Variants in ERBB4 observed in about 807,000 individuals in gnomAD.
The protein encoded by ERBB4 is erb-b2 receptor tyrosine kinase 4, also known as receptor tyrosine-protein kinase erbB-4.
In ERBB4, 42 loss-of-function variants were observed where a neutral mutation model predicts 158.0. That is an observed-to-expected ratio of 0.27 (90% CI 0.21 to 0.34). ERBB4 has a LOEUF of 0.34. ERBB4 is among the 10% of genes least tolerant of loss of function. The probability of loss-of-function intolerance (pLI) is 1.00; values close to 1 mark genes in which losing one functional copy is unlikely to be tolerated. For synonymous variants in ERBB4, 583 were observed against 558.7 expected, an observed-to-expected ratio of 1.04 and a Z score of -0.61; for missense variants, 1,333 against 1,624.1, an observed-to-expected ratio of 0.82 and a Z score of 3.08.
At position 211,822,036 on chromosome 2, in the gene ERBB4, A is replaced by G. The variant is rs1048125606; in HGVS notation, c.422-33877T>C. 5.3e-5 allele frequency among the ~76,000 whole-genome samples: 8 copies of G among 151,976 alleles called. No homozygotes were observed. The South Asian group carries it at 1.2e-3, about 24-fold the overall frequency. ...AATTGGAGAACATCAGGTTAAATGA[A>G]ATAAGCCAGAAACAGAAAGTTAAAC... is the stretch of plus-strand genomic sequence containing the variant. On this transcript the variant is annotated intron_variant, in intron 3 of 27. Coordinates refer to ENST00000342788, the MANE Select transcript of ERBB4 (RefSeq NM_005235.3).
At chr2:211,736,447 T>C (rs1026787196) in intron 5 of ERBB4, among the ~76,000 whole-genome samples, 3 of 152,184 alleles carry the variant, frequency 2.0e-5, no homozygotes, top group Admixed American at 1.3e-4. Context: ...TGAAGTGATT[T>C]TATAATCTAC....
intron 20 of ERBB4, among the ~76,000 whole-genome samples, chr2:211,444,962 T>G (rs1172061890): frequency 1.3e-5 from 2 of 152,018 alleles, no homozygotes; most frequent in Non-Finnish European, 2.9e-5. Flanking sequence ...ATATTTAAAT[T>G]TTTGGATAAA....
chr2:211,494,066 G>A (rs1049044145), intron 20 of ERBB4, among the ~76,000 whole-genome samples: 3 of 152,220 alleles, frequency 2.0e-5, no homozygotes, highest in East Asian at 1.9e-4. Context: ...GCAGCGGTGC[G>A]ATCTCGGCTC....
intron 1 of ERBB4, among the ~76,000 whole-genome samples, chr2:212,155,988 T>C (rs1369435914): frequency 1.3e-5 from 2 of 152,128 alleles, no homozygotes; most frequent in Non-Finnish European, 2.9e-5. Flanking sequence ...TCATGCATTT[T>C]ATTTGATGTA....
At chr2:212,306,347 A>T (rs967658775) in intron 1 of ERBB4, among the ~76,000 whole-genome samples, 2 of 151,462 alleles carry the variant, frequency 1.3e-5, no homozygotes, top group Non-Finnish European at 3.0e-5. Context: ...CTCTCTGAGT[A>T]TACACAAACA....
chr2:211,784,224 C>A (rs1002020130), intron 4 of ERBB4, among the ~76,000 whole-genome samples: 3 of 152,206 alleles, frequency 2.0e-5, no homozygotes, highest in Non-Finnish European at 4.4e-5. Flanking sequence ...TGAGCAATTG[C>A]AACTTGACTC....
chr2:212,489,047 T>C (rs1010678350), intron 1 of ERBB4, among the ~76,000 whole-genome samples: 3 of 150,844 alleles, frequency 2.0e-5, no homozygotes, highest in African/African-American at 7.3e-5. Context: ...TAAAAGTTAA[T>C]TGCACATTCC....
At chr2:212,132,737 T>C (rs1457631755) in intron 1 of ERBB4, among the ~76,000 whole-genome samples, 1 of 152,100 alleles carries the variant, frequency 6.6e-6, no homozygotes, top group Non-Finnish European at 1.5e-5. Context: ...CATAATTGTG[T>C]GAGCCAAGAC....
intron 3 of ERBB4, among the ~76,000 whole-genome samples, chr2:211,845,101 A>G (rs1204821343): frequency 6.6e-6 from 1 of 152,082 alleles, no homozygotes. Flanking sequence ...TTTTGTTTTC[A>G]GTCCATTCCC....
At chr2:212,356,552 T>A (rs985268696) in intron 1 of ERBB4, among the ~76,000 whole-genome samples, 1 of 151,978 alleles carries the variant, frequency 6.6e-6, no homozygotes, top group Non-Finnish European at 1.5e-5. Flanking sequence ...TCTTCATAAT[T>A]TATCACATAA....
At chr2:212,411,636 G>A (rs191911369) in intron 1 of ERBB4, among the ~76,000 whole-genome samples, 208 of 151,914 alleles carry the variant, frequency 1.4e-3, no homozygotes, top group Non-Finnish European at 2.1e-3. Flanking sequence ...TGAGGATCTC[G>A]TGTTGGAGCT....
intron 20 of ERBB4, among the ~76,000 whole-genome samples, chr2:211,469,913 G>C (rs77696315): frequency 0.022 from 3,369 of 152,152 alleles, 133 homozygotes; most frequent in African/African-American, 0.076. Flanking sequence ...GTGGGCTTGG[G>C]GGGGGAGATT....
At chr2:211,759,336 T>C (rs185313224) in intron 4 of ERBB4, among the ~76,000 whole-genome samples, 1 of 152,250 alleles carries the variant, frequency 6.6e-6, no homozygotes, top group Admixed American at 6.5e-5. Context: ...TACAATCTCT[T>C]CTCAATATAT....
chr2:211,848,687 T>C (rs1301711465), intron 3 of ERBB4, among the ~76,000 whole-genome samples: 2 of 152,058 alleles, frequency 1.3e-5, no homozygotes, highest in East Asian at 3.9e-4. Flanking sequence ...CAAAAAGTAC[T>C]ATGCAGGGAA....
intron 25 of ERBB4, among the ~76,000 whole-genome samples, chr2:211,390,971 C>G (rs1361828631): frequency 1.3e-5 from 2 of 152,096 alleles, no homozygotes; most frequent in Non-Finnish European, 2.9e-5. Flanking sequence ...ACCTCATTCA[C>G]TTCCCCGTGG....
intron 2 of ERBB4, among the ~76,000 whole-genome samples, chr2:212,054,325 G>A (rs2077488668): frequency 6.6e-6 from 1 of 152,276 alleles, no homozygotes; most frequent in African/African-American, 2.4e-5. Flanking sequence ...ATGCATGAAG[G>A]TTTTTGCTGG....
chr2:211,823,785 T>C (rs1305110315), intron 3 of ERBB4, among the ~76,000 whole-genome samples: 1 of 152,028 alleles, frequency 6.6e-6, no homozygotes, highest in Admixed American at 6.6e-5. Context: ...AAGGTCAGGT[T>C]TTCTAAATGA....
intron 20 of ERBB4, among the ~76,000 whole-genome samples, chr2:211,487,875 T>C (rs1559218084): frequency 6.6e-6 from 1 of 152,092 alleles, no homozygotes; most frequent in East Asian, 1.9e-4. Flanking sequence ...AGAGGAAAAG[T>C]GTGTTGGACA....
At chr2:212,502,217 A>G (rs1215949463) in intron 1 of ERBB4, among the ~76,000 whole-genome samples, 1 of 152,100 alleles carries the variant, frequency 6.6e-6, no homozygotes, top group Admixed American at 6.6e-5. Context: ...CTCTTTTTTA[A>G]AAACTGCTCT....
Sources: gnomAD v4.1 joint callset for allele counts (sites outside exome capture counted in the v4.1 genomes callset) on GRCh38, gnomAD v4.1.1 for gene constraint, MANE v1.5 for transcripts, NCBI Gene and HGNC (gene_info 2026-07-23, HGNC 2026-07-21) for gene names.